The following EDN1 variants were observed in gnomAD, a reference collection of about 807,000 sequenced individuals.
EDN1 encodes endothelin-1.
In EDN1, 11 loss-of-function variants were observed where a neutral mutation model predicts 21.7. The observed-to-expected ratio is 0.51, with a 90% CI of 0.32 to 0.84. EDN1 has a LOEUF of 0.84. Among genes scored for constraint, EDN1 ranks in the 40% least tolerant of loss-of-function variants. The pLI, the probability that EDN1 is intolerant of heterozygous loss-of-function variation, is 0.03. For missense variants in EDN1, 244 were observed against 262.3 expected, an observed-to-expected ratio of 0.93 and a Z score of 0.48; for synonymous variants, 85 against 90.6, an observed-to-expected ratio of 0.94 and a Z score of 0.35.
At chr6:12,234,441 C>T in the EDN1 span, among the ~76,000 whole-genome samples, 1 of 152,206 alleles carries the variant, frequency 6.6e-6, no homozygotes, top group African/African-American at 2.4e-5. Context: ...AAGTAGCCAA[C>T]TTAATCCTTT....
chr6:12,237,090 G>C, the EDN1 span, among the ~76,000 whole-genome samples: 3 of 150,480 alleles, frequency 2.0e-5, no homozygotes, highest in Middle Eastern at 3.4e-3. Flanking sequence ...TTGGTTTTCT[G>C]TCCTTGCTAT....
At chr6:12,247,450 T>C in the EDN1 span, among the ~76,000 whole-genome samples, 1 of 151,682 alleles carries the variant, frequency 6.6e-6, no homozygotes, top group East Asian at 1.9e-4. Flanking sequence ...CAAGAGACAA[T>C]GGAAGATACC....
the EDN1 span, among the ~76,000 whole-genome samples, chr6:12,283,104 G>C: frequency 6.6e-6 from 1 of 152,262 alleles, no homozygotes; most frequent in Admixed American, 6.5e-5. Flanking sequence ...AAAATCCTTA[G>C]TGTGAAATAT....
At chr6:12,253,123 A>G in the EDN1 span, among the ~76,000 whole-genome samples, 1 of 152,220 alleles carries the variant, frequency 6.6e-6, no homozygotes, top group Non-Finnish European at 1.5e-5. Context: ...AAAATGCTTG[A>G]ACACATTCTA....
At chr6:12,234,643 G>T in the EDN1 span, among the ~76,000 whole-genome samples, 1 of 152,186 alleles carries the variant, frequency 6.6e-6, no homozygotes, top group Admixed American at 6.5e-5. Context: ...CAAGACCAGG[G>T]TCCACTTCAG....
At chr6:12,244,733 C>T in the EDN1 span, among the ~76,000 whole-genome samples, 2 of 152,152 alleles carry the variant, frequency 1.3e-5, no homozygotes, top group Admixed American at 6.5e-5. Flanking sequence ...GTAAAGAAGG[C>T]AAATAACGTC....
chr6:12,287,700 TCTCTCTCTCTCTCACACACA>T (rs1232928731), upstream of EDN1, among the ~76,000 whole-genome samples: 119 of 75,440 alleles, frequency 1.6e-3, no homozygotes, highest in Non-Finnish European at 1.9e-3. Context: ...TCTCTCTCTC[TCTCTCTCTCTCTCACACACA>T]CACACACACA....
At chr6:12,232,200 TATA>T in the EDN1 span, among the ~76,000 whole-genome samples, 1 of 142,760 alleles carries the variant, frequency 7.0e-6, no homozygotes, top group African/African-American at 2.5e-5. Flanking sequence ...ATATTTATAA[TATA>T]ATATAATAAA....
At chr6:12,269,065 T>G in the EDN1 span, among the ~76,000 whole-genome samples, 1 of 152,114 alleles carries the variant, frequency 6.6e-6, no homozygotes, top group African/African-American at 2.4e-5. Flanking sequence ...TTAAATTTAT[T>G]GCTGGGTATC....
In EDN1 at chr6:12,296,221, A is replaced by G. The variant is rs1762821618; in HGVS notation, c.*154A>G. ...CGTCCTCGTTCAAAACATTCCAAGAAAGGTTAAGGAGTTCCCCCAACCATC... is the reference window on the plus strand; with the variant it reads ...CGTCCTCGTTCAAAACATTCCAAGAGAGGTTAAGGAGTTCCCCCAACCATC... On this transcript the variant is annotated 3_prime_UTR_variant, in exon 5 of 5. Transcript: ENST00000379375. The G allele has an allele frequency of 5.7e-6, 4 of 701,506 alleles. No individual in the cohort carries two copies. The highest frequency in any genetic ancestry group is 1.0e-5 in the Non-Finnish European group (4 of 392,146). The allele number at this position is 701,506 out of a possible 1,614,324, so 43.5% of individuals were successfully genotyped here.
In EDN1 at chr6:12,293,721, C is replaced by T. The variant is rs572148285; in HGVS notation, c.234-220C>T. ...TGTGAAGAGTTGAAATGGAATTCCA[C>T]TGAATTAGAAAAACTTGTTTTCTCC... On this transcript the variant is annotated intron_variant, in intron 2 of 4. Coordinates refer to ENST00000379375, the MANE Select transcript of EDN1 (RefSeq NM_001955.5). 4.3e-4 allele frequency among the ~76,000 whole-genome samples: 66 copies of T among 152,286 alleles called. 1 individual carries two copies. Among genetic ancestry groups the T allele is most frequent in the African/African-American group, 1.5e-3 (64 of 41,540 alleles).
At chr6:12,251,713 T>C in the EDN1 span, among the ~76,000 whole-genome samples, 2 of 152,180 alleles carry the variant, frequency 1.3e-5, no homozygotes, top group African/African-American at 4.8e-5. Flanking sequence ...AGAACAAGCT[T>C]GCTGATGTCA....
the EDN1 span, among the ~76,000 whole-genome samples, chr6:12,284,480 G>A: frequency 2.0e-5 from 3 of 151,110 alleles, no homozygotes; most frequent in African/African-American, 7.3e-5. Context: ...CTCCAGCCTG[G>A]GTGACAGAGT....
chr6:12,282,160 C>T, the EDN1 span, among the ~76,000 whole-genome samples: 1 of 152,112 alleles, frequency 6.6e-6, no homozygotes, highest in African/African-American at 2.4e-5. Flanking sequence ...CAAGTCATAA[C>T]AAAGTGGTAG....
chr6:12,250,387 T>G, the EDN1 span, among the ~76,000 whole-genome samples: 1 of 152,172 alleles, frequency 6.6e-6, no homozygotes, highest in African/African-American at 2.4e-5. Context: ...TAGCTAAAGG[T>G]TTTGCAGGAT....
the EDN1 span, among the ~76,000 whole-genome samples, chr6:12,266,525 A>G: frequency 6.6e-6 from 1 of 152,184 alleles, no homozygotes; most frequent in Non-Finnish European, 1.5e-5. Flanking sequence ...CTCCCAGCCC[A>G]GTGATGAGCA....
intron 2 of EDN1, among the ~76,000 whole-genome samples, chr6:12,293,507 T>C (rs1310549855): frequency 1.3e-5 from 2 of 152,166 alleles, no homozygotes; most frequent in East Asian, 3.9e-4. Context: ...GTGGTTTGAG[T>C]TGAAAATAAG....
At chr6:12,233,879 C>T in the EDN1 span, among the ~76,000 whole-genome samples, 1 of 152,190 alleles carries the variant, frequency 6.6e-6, no homozygotes, top group African/African-American at 2.4e-5. Context: ...CTGAGTAATA[C>T]AGAAATTGGA....
chr6:12,256,871 AGCTG>A, the EDN1 span, among the ~76,000 whole-genome samples: 1 of 152,214 alleles, frequency 6.6e-6, no homozygotes. Flanking sequence ...ACTTTACTTA[AGCTG>A]TGACTATTTC....
Sources: gnomAD v4.1 joint callset for allele counts (sites outside exome capture counted in the v4.1 genomes callset) on GRCh38, gnomAD v4.1.1 for gene constraint, MANE v1.5 for transcripts, NCBI Gene and HGNC (gene_info 2026-07-23, HGNC 2026-07-21) for gene names.